Variants in CHL1 observed in about 807,000 individuals in gnomAD.
CHL1 encodes the protein cell adhesion molecule L1 like, also known as neural cell adhesion molecule L1-like protein.
CHL1 carries 96 observed loss-of-function variants against 141.9 expected under a neutral mutation model. The observed-to-expected ratio is 0.68, with a 90% CI of 0.57 to 0.80. The LOEUF is 0.80. CHL1 is among the 30% of genes least tolerant of loss of function. CHL1 has a pLI of 0.00. For synonymous variants in CHL1, 613 were observed against 502.2 expected (o/e 1.22, Z -2.95); for missense variants, 1,820 against 1,457.2 (o/e 1.25, Z -4.05).
At chr3:287,260 C>T (rs919525564) in intron 2 of CHL1, among the ~76,000 whole-genome samples, 85 of 151,976 alleles carry the variant, frequency 5.6e-4, no homozygotes, top group African/African-American at 2.0e-3. Flanking sequence ...AATGTAAATT[C>T]TAGTAGGTCA....
chr3:399,704 T>C (rs928826327), intron 26 of CHL1, among the ~76,000 whole-genome samples: 2 of 152,206 alleles, frequency 1.3e-5, no homozygotes, highest in African/African-American at 4.8e-5. Context: ...GCTTCTATTG[T>C]CTATCTGTAA....
chr3:278,807 C>G (rs1267890696), intron 2 of CHL1, among the ~76,000 whole-genome samples: 1 of 152,198 alleles, frequency 6.6e-6, no homozygotes, highest in Admixed American at 6.5e-5. Flanking sequence ...GTCTGCACAT[C>G]TCACACAGGA....
intron 2 of CHL1, among the ~76,000 whole-genome samples, chr3:287,852 G>A (rs939188152): frequency 5.3e-5 from 8 of 151,736 alleles, no homozygotes; most frequent in African/African-American, 9.7e-5. Flanking sequence ...TGCAACCTCC[G>A]CCTCCCGGGT....
At chr3:322,426 G>T (rs1700638948) in intron 3 of CHL1, among the ~76,000 whole-genome samples, 1 of 151,668 alleles carries the variant, frequency 6.6e-6, no homozygotes, top group Admixed American at 6.6e-5. Flanking sequence ...GACACATCCA[G>T]ATGGTCTGTG....
chr3:367,036 G>A (rs1260391555), intron 15 of CHL1, among the ~76,000 whole-genome samples: 1 of 152,210 alleles, frequency 6.6e-6, no homozygotes, highest in African/African-American at 2.4e-5. Flanking sequence ...TCCAAACTCT[G>A]TATAGAGAAT....
At position 409,020 on chromosome 3, in the gene CHL1, G is replaced by A. The variant is rs1325117190; in HGVS notation, c.*3309G>A. On this transcript the variant is annotated 3_prime_UTR_variant, in exon 28 of 28. Coordinates refer to ENST00000256509, the MANE Select transcript of CHL1 (RefSeq NM_006614.4). ...TTTTCTAAGCATTTAAAACATAATT[G>A]CCAATTGAAACCCTAAATATGTTTA... The A allele has an allele frequency of 2.0e-5, 3 of 151,994 alleles. No homozygotes were observed. The East Asian group carries it at 5.8e-4, about 29-fold the overall frequency. 9.4% of individuals were successfully genotyped at this position (151,994 alleles called of 1,614,324 possible). A position where few individuals can be genotyped will look rare whatever the true frequency, so the allele number is the denominator to read the frequency against.
chr3:221,891 T>C (rs1370557970), intron 1 of CHL1, among the ~76,000 whole-genome samples: 1 of 152,230 alleles, frequency 6.6e-6, no homozygotes, highest in Non-Finnish European at 1.5e-5. Flanking sequence ...AGTAAAAATA[T>C]AACTACATTT....
chr3:218,929 G>A lies in CHL1; in HGVS notation c.-175+21866G>A, dbSNP rs191644462. On this transcript the variant is annotated intron_variant, in intron 1 of 27. Transcript: ENST00000256509. Reference sequence around the variant, plus strand: ...TGGGAGGCCAAGACGGGCGGATCACGAGGTCAGGAGATCGAGACCGTCCTG... The same window carrying A: ...TGGGAGGCCAAGACGGGCGGATCACAAGGTCAGGAGATCGAGACCGTCCTG... Among the ~76,000 whole-genome samples the A allele has an allele frequency of 2.5e-4, 38 of 152,204 alleles. 1 individual carries two copies. In the East Asian group the frequency reaches 6.8e-3, roughly 27 times the overall value.
intron 1 of CHL1, among the ~76,000 whole-genome samples, chr3:203,357 C>T (rs1699123971): frequency 6.6e-6 from 1 of 152,222 alleles, no homozygotes; most frequent in South Asian, 2.1e-4. Flanking sequence ...CAGTATTGGA[C>T]CTGAATGCCC....
At chr3:288,021 G>A (rs1295301143) in intron 2 of CHL1, among the ~76,000 whole-genome samples, 1 of 152,158 alleles carries the variant, frequency 6.6e-6, no homozygotes, top group Non-Finnish European at 1.5e-5. Context: ...GCCCACCTTA[G>A]CCTCCCAAAG....
chr3:284,530 G>C (rs565975390), intron 2 of CHL1, among the ~76,000 whole-genome samples: 1 of 152,166 alleles, frequency 6.6e-6, no homozygotes, highest in Admixed American at 6.5e-5. Context: ...ATGTAAAGGC[G>C]TTGTTTTATG....
At chr3:199,780 T>C (rs1282176420) in intron 1 of CHL1, among the ~76,000 whole-genome samples, 1 of 152,204 alleles carries the variant, frequency 6.6e-6, no homozygotes, top group Non-Finnish European at 1.5e-5. Flanking sequence ...TCTTTGAAGA[T>C]AGGAGGTTAT....
intron 15 of CHL1, among the ~76,000 whole-genome samples, chr3:371,099 T>A (rs1705571023): frequency 6.6e-6 from 1 of 152,150 alleles, no homozygotes; most frequent in African/African-American, 2.4e-5. Context: ...GGTGGAGAGT[T>A]CTGTAGATGT....
At chr3:324,906 A>T (rs1252357738) in intron 3 of CHL1, among the ~76,000 whole-genome samples, 1 of 151,908 alleles carries the variant, frequency 6.6e-6, no homozygotes, top group African/African-American at 2.4e-5. Context: ...CTACTTTTTA[A>T]AATTGTGTTT....
chr3:368,393 C>G (rs1446950342), intron 15 of CHL1, among the ~76,000 whole-genome samples: 1 of 152,040 alleles, frequency 6.6e-6, no homozygotes, highest in Admixed American at 6.5e-5. Context: ...ATGTAAATGT[C>G]TTCTTTTGAG....
intron 2 of CHL1, among the ~76,000 whole-genome samples, chr3:279,412 C>T (rs530489098): frequency 6.6e-6 from 1 of 152,164 alleles, no homozygotes; most frequent in East Asian, 1.9e-4. Context: ...AAGGTAAATG[C>T]TTCTTAGATT....
At chr3:370,419 AT>A (rs1559322303) in intron 15 of CHL1, among the ~76,000 whole-genome samples, 1 of 151,032 alleles carries the variant, frequency 6.6e-6, no homozygotes. Flanking sequence ...GGTAGTTTGC[AT>A]TTCTGTGGGG....
At chr3:199,505 C>T (rs1289694758) in intron 1 of CHL1, among the ~76,000 whole-genome samples, 1 of 152,160 alleles carries the variant, frequency 6.6e-6, no homozygotes, top group Non-Finnish European at 1.5e-5. Context: ...ACTTCGTGGG[C>T]CTAGCTGTAG....
intron 2 of CHL1, among the ~76,000 whole-genome samples, chr3:283,962 A>G (rs1043775606): frequency 1.1e-4 from 17 of 152,350 alleles, no homozygotes; most frequent in African/African-American, 3.8e-4. Flanking sequence ...GAATGCATTT[A>G]CATATGTATT....
Sources: allele counts gnomAD v4.1 joint callset (sites outside exome capture counted in the v4.1 genomes callset), GRCh38; gene constraint gnomAD v4.1.1; transcripts MANE v1.5; gene names NCBI Gene and HGNC (gene_info 2026-07-23, HGNC 2026-07-21).